The following SOX30 variants were observed in gnomAD, a reference collection of about 807,000 sequenced individuals.
SOX30 encodes SRY-box transcription factor 30, also known as transcription factor SOX-30.
A neutral mutation model predicts 58.6 loss-of-function variants in SOX30; 17 were observed. That is an observed-to-expected ratio of 0.29 (90% CI 0.20 to 0.44). The LOEUF is 0.44. SOX30 is among the 20% of genes least tolerant of loss of function. SOX30 has a pLI of 1.00. For missense variants in SOX30, 951 were observed against 965.8 expected, an observed-to-expected ratio of 0.98 and a Z score of 0.20; for synonymous variants, 421 against 400.2, an observed-to-expected ratio of 1.05 and a Z score of -0.62.
intron 3 of SOX30, among the ~76,000 whole-genome samples, chr5:157,643,197 G>GC (rs1394645603): frequency 2.0e-5 from 3 of 152,204 alleles, no homozygotes; most frequent in South Asian, 4.1e-4. Context: ...GCAGAGGTGG[G>GC]CAGATCACCT....
At chr5:157,633,089 C>T (rs1384729668) in intron 4 of SOX30, among the ~76,000 whole-genome samples, 1 of 152,134 alleles carries the variant, frequency 6.6e-6, no homozygotes, top group Non-Finnish European at 1.5e-5. Context: ...AGAAAAATTC[C>T]TTCCAGGGTC....
chr5:157,627,312 G>A (rs756424901), intron 4 of SOX30, among the ~76,000 whole-genome samples: 1 of 152,088 alleles, frequency 6.6e-6, no homozygotes, highest in African/African-American at 2.4e-5. Flanking sequence ...GCAGTGAGCC[G>A]AGACTGCGCC....
chr5:157,647,735 T>A (rs183211560), intron 2 of SOX30, among the ~76,000 whole-genome samples: 157 of 151,810 alleles, frequency 1.0e-3, no homozygotes, highest in Middle Eastern at 3.4e-3. Context: ...TTTTATTTTT[T>A]TTTTTAGTAG....
chr5:157,656,862 T>G (rs1445183672), upstream of SOX30, among the ~76,000 whole-genome samples: 2 of 152,226 alleles, frequency 1.3e-5, no homozygotes, highest in Non-Finnish European at 2.9e-5. Context: ...ACATTCTGTG[T>G]GTGAATATAT....
intron 2 of SOX30, among the ~76,000 whole-genome samples, chr5:157,658,981 TATC>T (rs1162720454): frequency 2.0e-5 from 3 of 152,152 alleles, no homozygotes; most frequent in African/African-American, 7.2e-5. Context: ...AGTCACTTCT[TATC>T]ATCCTCACTG....
Position 157,671,437 on chromosome 5 carries a change from C to A in SOX30, c.-111G>T, listed in dbSNP as rs1355963587. ...CCGCGTCCGTGGCCGCCGGACTCTGCACGCATGTCCAACAGCCCCCGTCCC... is the reference window on the plus strand; with the variant it reads ...CCGCGTCCGTGGCCGCCGGACTCTGAACGCATGTCCAACAGCCCCCGTCCC... On this transcript the variant is annotated 5_prime_UTR_variant, in exon 1 of 6. Coordinates refer to the SOX30 transcript ENST00000519442. The A allele has an allele frequency of 3.5e-5, 21 of 605,044 alleles. No individual in the cohort carries two copies. The East Asian group carries it at 5.6e-4, about 16-fold the overall frequency. The allele number at this position is 605,044 out of a possible 1,614,324, so 37.5% of individuals were successfully genotyped here. A position where few individuals can be genotyped will look rare whatever the true frequency, so the allele number is the denominator to read the frequency against.
Position 157,651,713 on chromosome 5 carries a change from C to T in SOX30, c.366G>A (p.Arg122=), listed in dbSNP as rs1313276207. ...GGGGCTGCACCGGGTGCAACTCGGG[C>T]CTGGAGGTGGCGCCGTCTGACGCTG... ...PPTASDGATS[R]PELHPVQPLA... The change falls in exon 1 of 5, where the codon AGG becomes AGA. Residue 122 remains arginine (R), a synonymous_variant. Coordinates refer to ENST00000265007, the MANE Select transcript of SOX30 (RefSeq NM_178424.2). 1.9e-6 allele frequency: 3 copies of T among 1,581,354 alleles called. No individual in the cohort carries two copies. The Admixed American group carries it at 5.4e-5, about 28-fold the overall frequency.
At chr5:157,636,187 T>C (rs1455244132) in intron 4 of SOX30, among the ~76,000 whole-genome samples, 1 of 152,194 alleles carries the variant, frequency 6.6e-6, no homozygotes, top group Non-Finnish European at 1.5e-5. Flanking sequence ...CCATTGTAAT[T>C]GACTCTTCTT....
rs779936102 is a variant in SOX30, at chr5:157,626,572, C to T, written c.2030G>A (p.Ser677Asn). Residue 677 changes from serine to asparagine, a missense_variant, in exon 5 of 5, where the codon AGT (serine) becomes AAT (asparagine). Around this residue, in one of 7 missense-constraint regions of SOX30, gnomAD observed 381 missense variants for 390.0 expected, o/e 0.98. Transcript: ENST00000265007. ...NRDYSFRDYS[S>N]ECTHSENSRS... ...AGAATTTTCACTGTGTGTGCATTCA[C>T]TTGAGTAGTCTCTAAAAGAATAGTC... 8 of 1,614,060 alleles carry T rather than the reference C, an allele frequency of 5.0e-6. No individual in the cohort carries two copies. The Admixed American group carries it at 6.7e-5, about 13-fold the overall frequency.
Position 157,667,207 on chromosome 5 carries a change from T to G in SOX30, c.52+591A>C, listed in dbSNP as rs140842420. 1.1e-3 allele frequency among the ~76,000 whole-genome samples: 171 copies of G among 152,314 alleles called. 7 individuals carry two copies. The East Asian group carries it at 0.029, about 25-fold the overall frequency. ...AGTCCTGACTGCTGCCCCAGACTCC[T>G]ATGAAATAAAGAGATGAGCTCAGCT... On this transcript the variant is annotated intron_variant, in intron 2 of 5. Transcript: ENST00000519442.
In SOX30 at chr5:157,638,252, C is replaced by T. The variant is rs1207413970; in HGVS notation, c.1858G>A (p.Gly620Arg). Residue 620 changes from glycine (G) to arginine (R), a missense_variant, in exon 4 of 5, where the codon GGA (glycine) becomes AGA (arginine). By Grantham distance (125) the Gly-to-Arg change is moderately radical (BLOSUM62 -2). Coordinates refer to ENST00000265007, the MANE Select transcript of SOX30 (RefSeq NM_178424.2). ...FSFHHPYFLPGPHYFPSSTCP... is the reference protein window; with the variant it reads ...FSFHHPYFLPRPHYFPSSTCP... ...TACCTTGATGGGAAGTAGTGAGGTC[C>T]GGGTAGGAAGTAAGGGTGATGAAAA... 2.0e-6 allele frequency: 3 copies of T among 1,531,690 alleles called. No individual in the cohort carries two copies. Among genetic ancestry groups the T allele is most frequent in the African/African-American group, 2.8e-5 (2 of 72,240 alleles). The allele number at this position is 1,531,690 out of a possible 1,614,324, so 94.9% of individuals were successfully genotyped here.
At chr5:157,639,362 C>T (rs1164786517) in intron 3 of SOX30, among the ~76,000 whole-genome samples, 1 of 151,816 alleles carries the variant, frequency 6.6e-6, no homozygotes, top group East Asian at 1.9e-4. Flanking sequence ...CTTTTATAAA[C>T]TTCTCTATAT....
At chr5:157,659,374 A>G (rs552324704) in intron 2 of SOX30, among the ~76,000 whole-genome samples, 41 of 152,290 alleles carry the variant, frequency 2.7e-4, no homozygotes, top group African/African-American at 9.4e-4. Flanking sequence ...TGACCATGGA[A>G]TGGTCCCACT....
At chr5:157,639,557 T>C (rs1428107259) in intron 3 of SOX30, among the ~76,000 whole-genome samples, 3 of 152,310 alleles carry the variant, frequency 2.0e-5, no homozygotes, top group African/African-American at 7.2e-5. Context: ...GCATGAAAGA[T>C]ATGGCAAAAT....
At chr5:157,648,402 C>T (rs554862617) in intron 2 of SOX30, among the ~76,000 whole-genome samples, 1 of 152,120 alleles carries the variant, frequency 6.6e-6, no homozygotes, top group Non-Finnish European at 1.5e-5. Context: ...TAAATCAAAA[C>T]CACAATAAAA....
rs779655486 is a variant in SOX30, at chr5:157,638,294, T to C, written c.1816A>G (p.Thr606Ala). 1 of 1,599,390 alleles carries C rather than the reference T, an allele frequency of 6.3e-7. No individual in the cohort carries two copies. Among genetic ancestry groups the C allele is most frequent in the Non-Finnish European group, 8.5e-7 (1 of 1,171,912 alleles). The part of the protein sequence containing the change: ...PLGHPATLFG[T>A]PPRFSFHHPY... ...TGATGAAAAGAGAATCTTGGTGGTG[T>C]CCCGAACAGTGTGGCTGGATGGCCA... is the stretch of plus-strand genomic sequence containing the variant. The change falls in exon 4 of 5, where the codon ACA becomes GCA. Residue 606 changes from threonine to alanine, a missense_variant. This residue lies in a region of SOX30 where 381 missense variants were observed against 390.0 expected (regional missense o/e 0.98). Coordinates refer to ENST00000265007, the MANE Select transcript of SOX30 (RefSeq NM_178424.2).
intron 3 of SOX30, among the ~76,000 whole-genome samples, chr5:157,643,686 G>A (rs1376279386): frequency 1.3e-5 from 2 of 152,026 alleles, no homozygotes; most frequent in Non-Finnish European, 2.9e-5. Flanking sequence ...GTTTTTATAT[G>A]AGAAAAATCA....
At chr5:157,645,497 TA>T (rs1314500838) in intron 3 of SOX30, among the ~76,000 whole-genome samples, 4 of 151,166 alleles carry the variant, frequency 2.6e-5, no homozygotes, top group Admixed American at 2.6e-4. Flanking sequence ...ACCCCATCTC[TA>T]AAAAAATACA....
upstream of SOX30, among the ~76,000 whole-genome samples, chr5:157,656,409 T>G (rs72813206): frequency 0.16 from 24,513 of 152,206 alleles, 2,263 homozygotes; most frequent in Middle Eastern, 0.26. Flanking sequence ...ATGCTTTAAG[T>G]TCATAAGCTG....
Sources: gnomAD v4.1 joint callset for allele counts (sites outside exome capture counted in the v4.1 genomes callset) on GRCh38, gnomAD v4.1.1 for gene constraint, gnomAD v4.1.1 regional missense constraint, MANE v1.5 for transcripts, NCBI Gene and HGNC (gene_info 2026-07-23, HGNC 2026-07-21) for gene names.